ZNF804A: variants seen among roughly 807,000 people sequenced by gnomAD.
ZNF804A encodes the protein zinc finger protein 804A.
Under a neutral mutation model 16.5 loss-of-function variants are expected in ZNF804A, and 2 were observed. The ratio of observed to expected loss-of-function variants is 0.12; its 90% confidence interval spans 0.05 to 0.38. ZNF804A has a LOEUF of 0.38. ZNF804A is among the 10% of genes least tolerant of loss of function. ZNF804A has a pLI of 0.99. For synonymous variants in ZNF804A, 534 were observed against 489.6 expected (o/e 1.09, Z -1.20); for missense variants, 1,473 against 1,390.7 (o/e 1.06, Z -0.94).
chr2:184,773,627 T>A (rs1694248896), intron 1 of ZNF804A, among the ~76,000 whole-genome samples: 1 of 151,860 alleles, frequency 6.6e-6, no homozygotes, highest in Non-Finnish European at 1.5e-5. Flanking sequence ...ATAAGAATGA[T>A]ACAGTGAACT....
chr2:184,711,842 C>T (rs1693132994), intron 1 of ZNF804A, among the ~76,000 whole-genome samples: 1 of 151,430 alleles, frequency 6.6e-6, no homozygotes, highest in African/African-American at 2.4e-5. Context: ...TTCTGTCTGT[C>T]TATTTTAATT....
chr2:184,792,554 T>C (rs1694566754), intron 1 of ZNF804A, among the ~76,000 whole-genome samples: 1 of 152,192 alleles, frequency 6.6e-6, no homozygotes, highest in South Asian at 2.1e-4. Flanking sequence ...ATATCTTGAA[T>C]ATATTCTCTT....
chr2:184,838,645 G>A (rs963074444), intron 1 of ZNF804A, among the ~76,000 whole-genome samples: 6 of 149,688 alleles, frequency 4.0e-5, no homozygotes, highest in Admixed American at 2.6e-4. Context: ...ATTTTTCTGT[G>A]TATGCCTTAT....
At chr2:184,628,035 C>G (rs1345314034) in intron 1 of ZNF804A, among the ~76,000 whole-genome samples, 1 of 152,162 alleles carries the variant, frequency 6.6e-6, no homozygotes, top group Non-Finnish European at 1.5e-5. Context: ...AAGAATATGG[C>G]CGGGCTCAGT....
In ZNF804A at chr2:184,632,066, T is replaced by C. The variant is rs555981531; in HGVS notation, c.111+32996T>C. ...TTAAGTAATAACGGAATGTCAGACT[T>C]GATAAAAAATAGATTTTCATACTGA... is the stretch of plus-strand genomic sequence containing the variant. On this transcript the variant is annotated intron_variant, in intron 1 of 3. Coordinates refer to ENST00000302277, the MANE Select transcript of ZNF804A (RefSeq NM_194250.2). 2.6e-4 allele frequency among the ~76,000 whole-genome samples: 39 copies of C among 152,096 alleles called. 1 individual carries two copies. Among genetic ancestry groups the C allele is most frequent in the African/African-American group, 9.1e-4 (38 of 41,546 alleles).
intron 1 of ZNF804A, among the ~76,000 whole-genome samples, chr2:184,633,973 T>G (rs1319626163): frequency 2.6e-5 from 4 of 152,158 alleles, no homozygotes; most frequent in Non-Finnish European, 4.4e-5. Flanking sequence ...AGATACTATC[T>G]TAGTATATAT....
intron 1 of ZNF804A, among the ~76,000 whole-genome samples, chr2:184,726,161 AT>A (rs1418044902): frequency 1.3e-5 from 2 of 151,660 alleles, no homozygotes; most frequent in African/African-American, 4.8e-5. Flanking sequence ...CAGAAGTGCA[AT>A]TGCTAGATTG....
Position 184,938,845 on chromosome 2 carries a change from C to A in ZNF804A, c.3449C>A (p.Pro1150Gln). Residue 1150 changes from proline to glutamine, a missense_variant, in exon 4 of 4, where the codon CCA becomes CAA. Transcript: ENST00000302277. ...TCATTACCTCAGCTCTCAGTAGGACCAGTAGGACCGAGGCTTTGTCCTGGG... is the reference window on the plus strand; with the variant it reads ...TCATTACCTCAGCTCTCAGTAGGACAAGTAGGACCGAGGCTTTGTCCTGGG... The part of the protein sequence containing the change: ...RTSLPQLSVG[P>Q]VGPRLCPGNQ... The A allele has an allele frequency of 6.2e-7, 1 of 1,613,970 alleles. No individual in the cohort carries two copies. The highest frequency in any genetic ancestry group is 8.5e-7 in the Non-Finnish European group (1 of 1,179,974).
chr2:184,611,693 C>CAA (rs145943523), intron 1 of ZNF804A, among the ~76,000 whole-genome samples: 2 of 151,690 alleles, frequency 1.3e-5, no homozygotes, highest in Admixed American at 6.6e-5. Flanking sequence ...CTCTTCTTTT[C>CAA]AAAAAAACAG....
chr2:184,702,608 T>C (rs1574170216), intron 1 of ZNF804A, among the ~76,000 whole-genome samples: 1 of 152,148 alleles, frequency 6.6e-6, no homozygotes, highest in East Asian at 1.9e-4. Flanking sequence ...GAAACTTTGA[T>C]TTCAAAACTG....
At chr2:184,713,523 C>T (rs1421153757) in intron 1 of ZNF804A, among the ~76,000 whole-genome samples, 3 of 152,002 alleles carry the variant, frequency 2.0e-5, no homozygotes, top group Middle Eastern at 3.4e-3. Flanking sequence ...TGATACTTGT[C>T]TACATAGTTG....
intron 2 of ZNF804A, among the ~76,000 whole-genome samples, chr2:184,911,282 G>A (rs1011883512): frequency 1.3e-5 from 2 of 151,684 alleles, no homozygotes; most frequent in African/African-American, 4.8e-5. Context: ...ATGACTGCAG[G>A]TGTGCAGCTT....
At chr2:184,761,464 T>C (rs1167480995) in intron 1 of ZNF804A, among the ~76,000 whole-genome samples, 3 of 152,120 alleles carry the variant, frequency 2.0e-5, no homozygotes, top group South Asian at 4.1e-4. Context: ...GTTTGATGCA[T>C]AAAATGATTG....
At chr2:184,907,921 T>C (rs1685301566) in intron 2 of ZNF804A, among the ~76,000 whole-genome samples, 1 of 152,150 alleles carries the variant, frequency 6.6e-6, no homozygotes, top group African/African-American at 2.4e-5. Flanking sequence ...TATAAAATCA[T>C]ACAGATATTT....
In ZNF804A at chr2:184,939,002, C is replaced by T. The variant is rs1685850234; in HGVS notation, c.3606C>T (p.Val1202=). 2.5e-6 allele frequency: 4 copies of T among 1,613,904 alleles called. No homozygotes were observed. Among genetic ancestry groups the T allele is most frequent in the Non-Finnish European group, 3.4e-6 (4 of 1,179,866 alleles). ...FPSLLSPHPT[V]IPLQPLF Reference sequence around the variant, plus strand: ...CACTGCTTTCCCCACACCCTACTGTCATCCCTTTGCAACCTCTCTTCTAGT... The same window carrying T: ...CACTGCTTTCCCCACACCCTACTGTTATCCCTTTGCAACCTCTCTTCTAGT... Residue 1202 remains valine (V), a synonymous_variant, in exon 4 of 4, where the codon GTC becomes GTT. Transcript: ENST00000302277.
In ZNF804A at chr2:184,824,935, T is replaced by A. The variant is rs549320259; in HGVS notation, c.112-41434T>A. The stretch of plus-strand genomic sequence containing the variant: ...ACCATTTGTGACCTACTCTTAGAAG[T>A]CCTATGGAGTCAGTCCTAGAGTAGC... On this transcript the variant is annotated intron_variant, in intron 1 of 3. Coordinates refer to ENST00000302277, the MANE Select transcript of ZNF804A (RefSeq NM_194250.2). Among the ~76,000 whole-genome samples the A allele has an allele frequency of 3.1e-3, 471 of 152,106 alleles. 3 individuals are homozygous for A. The highest frequency in any genetic ancestry group is 0.011 in the African/African-American group (440 of 41,500).
At position 184,938,177 on chromosome 2, in the gene ZNF804A, A is replaced by G. The variant is rs759979425; in HGVS notation, c.2781A>G (p.Glu927=). 1 of 1,614,162 alleles carries G rather than the reference A, an allele frequency of 6.2e-7. No homozygotes were observed. The change falls in exon 4 of 4, where the codon GAA becomes GAG. Residue 927 remains glutamate (E), a synonymous_variant. Coordinates refer to ENST00000302277, the MANE Select transcript of ZNF804A (RefSeq NM_194250.2). The part of the protein sequence containing the change: ...SVCVASAPTK[E]AIDNTLLEHK... ...GTGTAGCTAGTGCCCCAACAAAAGAAGCAATTGACAATACCCTGCTTGAAC... is the reference window on the plus strand; with the variant it reads ...GTGTAGCTAGTGCCCCAACAAAAGAGGCAATTGACAATACCCTGCTTGAAC...
At chr2:184,753,164 G>A (rs1005265816) in intron 1 of ZNF804A, among the ~76,000 whole-genome samples, 2 of 151,482 alleles carry the variant, frequency 1.3e-5, no homozygotes. Context: ...TTTTATATTT[G>A]CCTTATAGTT....
At chr2:184,756,160 A>T (rs1383284161) in intron 1 of ZNF804A, among the ~76,000 whole-genome samples, 1 of 151,830 alleles carries the variant, frequency 6.6e-6, no homozygotes, top group African/African-American at 2.4e-5. Context: ...CTAATTCAAC[A>T]TGATTTTATA....
Sources: allele counts gnomAD v4.1 joint callset (sites outside exome capture counted in the v4.1 genomes callset), GRCh38; gene constraint gnomAD v4.1.1; transcripts MANE v1.5; gene names NCBI Gene and HGNC (gene_info 2026-07-23, HGNC 2026-07-21).